The following UTP15 variants were observed in gnomAD, a reference collection of about 807,000 sequenced individuals.
UTP15 encodes U3 small nucleolar RNA-associated protein 15 homolog.
A neutral mutation model predicts 59.1 loss-of-function variants in UTP15; 5 were observed. That is an observed-to-expected ratio of 0.08 (90% CI 0.04 to 0.18). The LOEUF (loss-of-function observed/expected upper bound fraction) is 0.18. UTP15 is among the 10% of genes least tolerant of loss of function. The probability of loss-of-function intolerance (pLI) is 1.00; values close to 1 mark genes in which losing one functional copy is unlikely to be tolerated. For synonymous variants in UTP15, 211 were observed against 212.2 expected (o/e 0.99, Z 0.05); for missense variants, 494 against 616.7 (o/e 0.80, Z 2.11).
rs771479682 is a variant in UTP15 at position 73,579,863 on chromosome 5, T to C, written c.1340-14T>C. On this transcript the variant is annotated splice_polypyrimidine_tract_variant and intron_variant, in intron 12 of 12. Transcript: ENST00000296792. ...GATATTGCTAGTTAATGTGTTTTCT[T>C]TCTCTCTTTTTAGATATATATCTGC... is the stretch of plus-strand genomic sequence containing the variant. The C allele has an allele frequency of 7.7e-6, 12 of 1,551,258 alleles. No homozygotes were observed. The highest frequency in any genetic ancestry group is 1.0e-5 in the Non-Finnish European group (12 of 1,147,564).
chr5:73,569,508 C>T lies in UTP15; in HGVS notation c.380C>T (p.Thr127Ile), dbSNP rs1561275842. The change falls in exon 5 of 13, where the codon ACA (threonine) becomes ATA (isoleucine). Residue 127 changes from threonine (T) to isoleucine (I), a missense_variant. Coordinates refer to ENST00000296792, the MANE Select transcript of UTP15 (RefSeq NM_032175.4). ...QFEGHTKAVH[T>I]VDFTADKYHV... The stretch of plus-strand genomic sequence containing the variant: ...CTTCAATCTTTCAGAGCAGTTCATA[C>T]AGTAGATTTTACAGCTGACAAATAT... The T allele has an allele frequency of 1.2e-6, 2 of 1,606,110 alleles. No individual in the cohort carries two copies. The highest frequency in any genetic ancestry group is 8.5e-7 in the Non-Finnish European group (1 of 1,176,308).
At chr5:73,579,276 TAAGTTTAC>T (rs1339616420) in intron 11 of UTP15, 33 bp from the exon 12 acceptor site, 5 of 1,586,896 alleles carry the variant, frequency 3.2e-6, no homozygotes, top group Non-Finnish European at 4.3e-6. Flanking sequence ...ATTTTTTTTT[TAAGTTTAC>T]AAGTTTCACT....
At chr5:73,575,725 TC>T (rs1400509053) in intron 7 of UTP15, among the ~76,000 whole-genome samples, 1 of 151,492 alleles carries the variant, frequency 6.6e-6, no homozygotes, top group African/African-American at 2.4e-5. Flanking sequence ...GATAATTTTT[TC>T]TTTTTTTTTT....
Position 73,580,016 on chromosome 5 carries a change from C to A in UTP15, c.1479C>A (p.Thr493=), listed in dbSNP as rs758089173. The A allele has an allele frequency of 6.2e-7, 1 of 1,613,758 alleles. No homozygotes were observed. The highest frequency in any genetic ancestry group is 8.5e-7 in the Non-Finnish European group (1 of 1,179,824). ...TLGMMDMLFA[T]MRRKEGTSVL... ...GGATGATGGATATGCTTTTTGCCACCATGAGAAGGAAGGAAGGCACTTCTG... is the reference window on the plus strand; with the variant it reads ...GGATGATGGATATGCTTTTTGCCACAATGAGAAGGAAGGAAGGCACTTCTG... Residue 493 remains threonine, a synonymous_variant, in exon 13 of 13, where the codon ACC becomes ACA. Coordinates refer to ENST00000296792, the MANE Select transcript of UTP15 (RefSeq NM_032175.4).
chr5:73,581,880 G>A lies in UTP15; in HGVS notation c.*1786G>A, dbSNP rs1748328687. On this transcript the variant is annotated 3_prime_UTR_variant, in exon 13 of 13. Transcript: ENST00000296792. ...AGGAACCAGCAGTGTTTTTCCCTGA[G>A]TAATTATGAACTTAGTCAAGATCAG... is the stretch of plus-strand genomic sequence containing the variant. 6.6e-6 allele frequency: 1 copy of A among 152,108 alleles called. No homozygotes were observed. Among genetic ancestry groups the A allele is most frequent in the Admixed American group, 6.5e-5 (1 of 15,276 alleles). The allele number at this position is 152,108 out of a possible 1,614,324, so 9.4% of individuals were successfully genotyped here.
Position 73,580,197 on chromosome 5 carries a change from C to T in UTP15, c.*103C>T, listed in dbSNP as rs968575130. Reference sequence around the variant, plus strand: ...TTTGATACATTAAAAAAACTGTTTGCAGAAGCAGTTCTGTGGAAGAGACTG... The same window carrying T: ...TTTGATACATTAAAAAAACTGTTTGTAGAAGCAGTTCTGTGGAAGAGACTG... On this transcript the variant is annotated 3_prime_UTR_variant, in exon 13 of 13. Coordinates refer to ENST00000296792, the MANE Select transcript of UTP15 (RefSeq NM_032175.4). The T allele has an allele frequency of 2.0e-6, 2 of 991,498 alleles. 1 individual carries two copies. Among genetic ancestry groups the T allele is most frequent in the South Asian group, 3.6e-5 (2 of 56,166 alleles). The allele number at this position is 991,498 out of a possible 1,614,324, so 61.4% of individuals were successfully genotyped here. A position where few individuals can be genotyped will look rare whatever the true frequency, so the allele number is the denominator to read the frequency against.
At position 73,581,762 on chromosome 5, in the gene UTP15, A is replaced by G. The variant is rs1748322507; in HGVS notation, c.*1668A>G. 1 of 152,166 alleles carries G rather than the reference A, an allele frequency of 6.6e-6. No individual in the cohort carries two copies. The highest frequency in any genetic ancestry group is 1.5e-5 in the Non-Finnish European group (1 of 68,026). 9.4% of individuals were successfully genotyped at this position (152,166 alleles called of 1,614,324 possible). A position where few individuals can be genotyped will look rare whatever the true frequency, so the allele number is the denominator to read the frequency against. On this transcript the variant is annotated 3_prime_UTR_variant, in exon 13 of 13. Coordinates refer to ENST00000296792, the MANE Select transcript of UTP15 (RefSeq NM_032175.4). ...CATTAACATTTAAATTAATATGTTA[A>G]GTGAATATACTTAATATATTCTAGT... is the stretch of plus-strand genomic sequence containing the variant.
chr5:73,574,764 G>A (rs190215632), intron 7 of UTP15, among the ~76,000 whole-genome samples: 73 of 152,246 alleles, frequency 4.8e-4, no homozygotes, highest in African/African-American at 1.6e-3. Flanking sequence ...TGGATTACTG[G>A]CGTGAGCCAC....
Position 73,569,551 on chromosome 5 carries a change from T to C in UTP15, c.423T>C (p.Ala141=). The C allele has an allele frequency of 6.2e-7, 1 of 1,613,490 alleles. No individual in the cohort carries two copies. The highest frequency in any genetic ancestry group is 8.5e-7 in the Non-Finnish European group (1 of 1,179,690). Reference sequence around the variant, plus strand: ...ACAAATATCACGTGGTCTCTGGGGCTGATGATTATACAGTTAAATTATGGG... The same window carrying C: ...ACAAATATCACGTGGTCTCTGGGGCCGATGATTATACAGTTAAATTATGGG... ...TADKYHVVSG[A]DDYTVKLWDI... The change falls in exon 5 of 13, where the codon GCT becomes GCC. Residue 141 remains alanine (A), a synonymous_variant. Coordinates refer to ENST00000296792, the MANE Select transcript of UTP15 (RefSeq NM_032175.4).
chr5:73,569,519 A>G lies in UTP15; in HGVS notation c.391A>G (p.Thr131Ala). 1 of 1,609,592 alleles carries G rather than the reference A, an allele frequency of 6.2e-7. No individual in the cohort carries two copies. The highest frequency in any genetic ancestry group is 8.5e-7 in the Non-Finnish European group (1 of 1,178,060). Residue 131 changes from threonine to alanine, a missense_variant, in exon 5 of 13, where the codon ACA (threonine) becomes GCA (alanine). Thr to Ala is a moderately conservative substitution (Grantham distance 58). Coordinates refer to ENST00000296792, the MANE Select transcript of UTP15 (RefSeq NM_032175.4). The part of the protein sequence containing the change: ...HTKAVHTVDF[T>A]ADKYHVVSGA... ...CAGAGCAGTTCATACAGTAGATTTT[A>G]CAGCTGACAAATATCACGTGGTCTC... is the stretch of plus-strand genomic sequence containing the variant.
chr5:73,575,866 C>G (rs1380537413), intron 7 of UTP15, among the ~76,000 whole-genome samples: 2 of 151,664 alleles, frequency 1.3e-5, no homozygotes, highest in Non-Finnish European at 2.9e-5. Flanking sequence ...AGATTACAGG[C>G]ATGTGCCACC....
rs764794173 is a variant in UTP15 at position 73,568,449 on chromosome 5, A to T, written c.213A>T (p.Glu71Asp). 3 of 1,613,188 alleles carry T rather than the reference A, an allele frequency of 1.9e-6. No individual in the cohort carries two copies. Among genetic ancestry groups the T allele is most frequent in the East Asian group, 4.5e-5 (2 of 44,878 alleles). Reference sequence around the variant, plus strand: ...ACATTTATGGCCGATACTCCCAAGAACCTATAAAAACCTTTTCTCGATTTA... The same window carrying T: ...ACATTTATGGCCGATACTCCCAAGATCCTATAAAAACCTTTTCTCGATTTA... ...RIHIYGRYSQEPIKTFSRFKD... is the reference protein window; with the variant it reads ...RIHIYGRYSQDPIKTFSRFKD... The change falls in exon 4 of 13, where the codon GAA becomes GAT. Residue 71 changes from glutamate (E) to aspartate (D), a missense_variant. Glu to Asp is a conservative substitution (Grantham distance 45, BLOSUM62 2). Coordinates refer to ENST00000296792, the MANE Select transcript of UTP15 (RefSeq NM_032175.4).
At position 73,580,861 on chromosome 5, in the gene UTP15, A is replaced by G. The variant is rs1432015150; in HGVS notation, c.*767A>G. ...TTTTCTTACAACAGCCTTTCAGACT[A>G]TTCTTCATATGTTTCAAGCTAATCT... On this transcript the variant is annotated 3_prime_UTR_variant, in exon 13 of 13. Coordinates refer to ENST00000296792, the MANE Select transcript of UTP15 (RefSeq NM_032175.4). 6.6e-6 allele frequency: 1 copy of G among 151,824 alleles called. No homozygotes were observed. The highest frequency in any genetic ancestry group is 2.4e-5 in the African/African-American group (1 of 41,326). The allele number at this position is 151,824 out of a possible 1,614,324, so 9.4% of individuals were successfully genotyped here.
intron 7 of UTP15, among the ~76,000 whole-genome samples, chr5:73,576,146 C>T (rs1331843092): frequency 1.3e-5 from 2 of 152,018 alleles, no homozygotes; most frequent in East Asian, 3.9e-4. Context: ...ACTCTGTGGC[C>T]CAGGCTGGAG....
chr5:73,574,768 G>C (rs1748039994), intron 7 of UTP15, among the ~76,000 whole-genome samples: 1 of 152,132 alleles, frequency 6.6e-6, no homozygotes, highest in Non-Finnish European at 1.5e-5. Flanking sequence ...TTACTGGCGT[G>C]AGCCACCGTG....
Position 73,570,791 on chromosome 5 carries a change from A to C in UTP15, c.673+80A>C, listed in dbSNP as rs1470246767. The stretch of plus-strand genomic sequence containing the variant: ...TAAAATCAGTTGCTCTTTGTAATTT[A>C]TCAGTGTGCATTTGAATTGCATATC... On this transcript the variant is annotated intron_variant, in intron 6 of 12. Coordinates refer to ENST00000296792, the MANE Select transcript of UTP15 (RefSeq NM_032175.4). 22 of 1,572,206 alleles carry C rather than the reference A, an allele frequency of 1.4e-5. No homozygotes were observed. The Admixed American group carries it at 3.8e-4, about 27-fold the overall frequency.
rs1436864100 is a variant in UTP15, at chr5:73,583,220, G to A, written c.*3126G>A. ...TCAACCCTTCTCTAAGCAGGGATTT[G>A]TAATTGGGATTTATAATGAAATTCC... is the stretch of plus-strand genomic sequence containing the variant. On this transcript the variant is annotated 3_prime_UTR_variant, in exon 13 of 13. Coordinates refer to ENST00000296792, the MANE Select transcript of UTP15 (RefSeq NM_032175.4). The A allele has an allele frequency of 1.3e-5, 2 of 152,202 alleles. No homozygotes were observed. Among genetic ancestry groups the A allele is most frequent in the Non-Finnish European group, 2.9e-5 (2 of 68,044 alleles). The allele number at this position is 152,202 out of a possible 1,614,324, so 9.4% of individuals were successfully genotyped here.
At chr5:73,575,936 C>G (rs1186135994) in intron 7 of UTP15, among the ~76,000 whole-genome samples, 1 of 151,462 alleles carries the variant, frequency 6.6e-6, no homozygotes, top group South Asian at 2.1e-4. Context: ...GGTCAGGCTG[C>G]TCTTTAACTC....
In UTP15 at chr5:73,570,704, G is replaced by A. The variant is rs773516987; in HGVS notation, c.666G>A (p.Val222=). The A allele has an allele frequency of 5.0e-6, 8 of 1,613,724 alleles. No homozygotes were observed. In the East Asian group the frequency reaches 1.3e-4, roughly 27 times the overall value. Residue 222 remains valine (V), a synonymous_variant, in exon 6 of 13, where the codon GTG becomes GTA. Coordinates refer to ENST00000296792, the MANE Select transcript of UTP15 (RefSeq NM_032175.4). ...TTTTCCCCTCTGGAGGTCTTCTGGT[G>A]TCAGCAGGTACTTCTTAAAAATAGC... ...VLLFPSGGLL[V]SAGGRYVKVW...
Sources: allele counts gnomAD v4.1 joint callset (sites outside exome capture counted in the v4.1 genomes callset), GRCh38; gene constraint gnomAD v4.1.1; transcripts MANE v1.5; gene names NCBI Gene and HGNC (gene_info 2026-07-23, HGNC 2026-07-21).